Variants in MEGF11 observed in about 807,000 individuals in gnomAD.
MEGF11 encodes the protein multiple EGF like domains 11, also known as multiple epidermal growth factor-like domains protein 11.
In MEGF11, 126 loss-of-function variants were observed where a neutral mutation model predicts 146.6. The observed-to-expected ratio is 0.86, with a 90% CI of 0.74 to 1.00. The LOEUF is 1.00. Ranked by LOEUF, MEGF11 falls within the 50% of genes least tolerant of loss-of-function variation. The probability of loss-of-function intolerance (pLI) is 0.00; values close to 1 mark genes in which losing one functional copy is unlikely to be tolerated. For synonymous variants in MEGF11, 532 were observed against 583.4 expected, an observed-to-expected ratio of 0.91 and a Z score of 1.27; for missense variants, 1,509 against 1,521.2, an observed-to-expected ratio of 0.99 and a Z score of 0.13.
At chr15:66,191,577 G>A (rs1196133313) in intron 1 of MEGF11, among the ~76,000 whole-genome samples, 1 of 152,198 alleles carries the variant, frequency 6.6e-6, no homozygotes, top group African/African-American at 2.4e-5. Context: ...GCTTTCCCCC[G>A]AGGGGAGAGG....
chr15:65,977,372 T>G (rs909555287), intron 7 of MEGF11, among the ~76,000 whole-genome samples: 2 of 151,776 alleles, frequency 1.3e-5, no homozygotes, highest in Non-Finnish European at 2.9e-5. Flanking sequence ...ATGGGTGCTG[T>G]GAAGGTGATC....
intron 5 of MEGF11, among the ~76,000 whole-genome samples, chr15:66,039,831 G>A (rs1436371481): frequency 5.3e-5 from 1 of 18,960 alleles, no homozygotes; most frequent in Non-Finnish European, 1.1e-4. Context: ...CGGGTCAGGC[G>A]GCGGTGGGGT....
chr15:66,074,780 A>G (rs1206427486), intron 5 of MEGF11, among the ~76,000 whole-genome samples: 1 of 152,218 alleles, frequency 6.6e-6, no homozygotes, highest in Non-Finnish European at 1.5e-5. Context: ...TCAGTATCAT[A>G]TGAGAGTATC....
chr15:66,106,730 C>T (rs2087098940), intron 4 of MEGF11, among the ~76,000 whole-genome samples: 1 of 152,184 alleles, frequency 6.6e-6, no homozygotes, highest in African/African-American at 2.4e-5. Context: ...TGCAGACTCA[C>T]AATCCCATAT....
chr15:66,082,272 C>T (rs948924109), intron 5 of MEGF11, among the ~76,000 whole-genome samples: 1 of 151,254 alleles, frequency 6.6e-6, no homozygotes, highest in Non-Finnish European at 1.5e-5. Flanking sequence ...CATATGTCCT[C>T]CCCAGGCTGC....
intron 21 of MEGF11, among the ~76,000 whole-genome samples, chr15:65,910,924 G>A (rs1189733179): frequency 6.6e-6 from 1 of 152,222 alleles, no homozygotes; most frequent in Non-Finnish European, 1.5e-5. Context: ...ACAGGTGGGT[G>A]TCCAGAGGTA....
chr15:66,170,611 T>C (rs1374936229), intron 1 of MEGF11, among the ~76,000 whole-genome samples: 2 of 152,210 alleles, frequency 1.3e-5, no homozygotes, highest in Non-Finnish European at 2.9e-5. Flanking sequence ...GATAATTTTT[T>C]GAAAGGAACC....
intron 1 of MEGF11, among the ~76,000 whole-genome samples, chr15:66,180,275 T>C (rs1358887507): frequency 1.3e-5 from 2 of 152,188 alleles, no homozygotes; most frequent in Non-Finnish European, 2.9e-5. Context: ...GGGCAAGCAG[T>C]GAGGTTCCAG....
intron 1 of MEGF11, among the ~76,000 whole-genome samples, chr15:66,253,350 C>T (rs2092403371): frequency 6.6e-6 from 1 of 152,198 alleles, no homozygotes; most frequent in Non-Finnish European, 1.5e-5. Flanking sequence ...CTGCGGCTGC[C>T]CACATTGAGG....
At chr15:66,189,674 C>T (rs536002934) in intron 1 of MEGF11, among the ~76,000 whole-genome samples, 1 of 152,272 alleles carries the variant, frequency 6.6e-6, no homozygotes, top group African/African-American at 2.4e-5. Flanking sequence ...AGAAACCTCA[C>T]CTCTCTGAGC....
intron 4 of MEGF11, among the ~76,000 whole-genome samples, chr15:66,103,350 G>C (rs1471602102): frequency 1.3e-5 from 2 of 152,198 alleles, no homozygotes; most frequent in African/African-American, 4.8e-5. Flanking sequence ...TGACTCCCCA[G>C]TTCTAGTGCT....
intron 5 of MEGF11, among the ~76,000 whole-genome samples, chr15:66,052,766 T>A (rs1165524076): frequency 2.0e-5 from 3 of 152,212 alleles, no homozygotes; most frequent in Admixed American, 2.0e-4. Flanking sequence ...CTCCCATCTT[T>A]GAACAACTAA....
intron 5 of MEGF11, among the ~76,000 whole-genome samples, chr15:66,055,489 T>A (rs1324534954): frequency 1.3e-5 from 2 of 152,246 alleles, no homozygotes; most frequent in African/African-American, 4.8e-5. Context: ...GGGTGCCTCG[T>A]TCGGTAGCGT....
chr15:66,050,229 C>T (rs1484486675), intron 5 of MEGF11, among the ~76,000 whole-genome samples: 1 of 152,152 alleles, frequency 6.6e-6, no homozygotes, highest in Non-Finnish European at 1.5e-5. Flanking sequence ...CTGACTAGAG[C>T]CCCTACATTC....
At chr15:65,922,274 C>T in intron 15 of MEGF11, 64 bp downstream of exon 15, 1 of 1,565,510 alleles carries the variant, frequency 6.4e-7, no homozygotes, top group Non-Finnish European at 8.7e-7. Context: ...CCCTTCCTTC[C>T]CTGCCACTTT....
At chr15:66,185,048 C>T (rs1405959384) in intron 1 of MEGF11, among the ~76,000 whole-genome samples, 1 of 152,176 alleles carries the variant, frequency 6.6e-6, no homozygotes, top group Non-Finnish European at 1.5e-5. Flanking sequence ...AGGAAGGCCA[C>T]CGGGTCTGTT....
intron 8 of MEGF11, among the ~76,000 whole-genome samples, chr15:65,965,591 TCTTTCTTTC>T (rs1567179997): frequency 0.025 from 751 of 30,532 alleles, 24 homozygotes; most frequent in South Asian, 0.19. Flanking sequence ...TTTCTTTCTT[TCTTTCTTTC>T]TTTTTTTTTT....
At chr15:65,912,026 G>C (rs1331072661) in intron 21 of MEGF11, 56 bp downstream of exon 21, 1 of 1,020,992 alleles carries the variant, frequency 9.8e-7, no homozygotes, top group Non-Finnish European at 1.3e-6. Context: ...CTGGGCAGAG[G>C]TGAGGGTTAA....
At chr15:65,988,152 C>T (rs113694626) in intron 5 of MEGF11, among the ~76,000 whole-genome samples, 7,213 of 151,930 alleles carry the variant, frequency 0.047, 281 homozygotes, top group Non-Finnish European at 0.069. Flanking sequence ...GGACTACAGG[C>T]GTGCATCATT....
Sources: allele counts gnomAD v4.1 joint callset (sites outside exome capture counted in the v4.1 genomes callset), GRCh38; gene constraint gnomAD v4.1.1; transcripts MANE v1.5; gene names NCBI Gene and HGNC (gene_info 2026-07-23, HGNC 2026-07-21).